ZGPAT: variants seen among roughly 807,000 people sequenced by gnomAD.
ZGPAT encodes zinc finger CCCH-type with G patch domain-containing protein.
Under a neutral mutation model 47.9 loss-of-function variants are expected in ZGPAT, and 39 were observed. That is an observed-to-expected ratio of 0.81 (90% CI 0.63 to 1.06). The LOEUF (loss-of-function observed/expected upper bound fraction) is 1.06. Ranked by LOEUF, ZGPAT falls within the 50% of genes least tolerant of loss-of-function variation. The pLI, the probability that ZGPAT is intolerant of heterozygous loss-of-function variation, is 0.00. For missense variants in ZGPAT, 717 were observed against 681.4 expected, an observed-to-expected ratio of 1.05 and a Z score of -0.58; for synonymous variants, 348 against 292.9, an observed-to-expected ratio of 1.19 and a Z score of -1.92.
At chr20:63,735,067 C>T (rs898484145) in intron 5 of ZGPAT, 92 bp from the exon 6 acceptor site, 64 of 1,429,464 alleles carry the variant, frequency 4.5e-5, no homozygotes, top group Non-Finnish European at 5.1e-5. Flanking sequence ...CTCAGATTCC[C>T]GGGGTCCCGT....
intron 2 of ZGPAT, among the ~76,000 whole-genome samples, chr20:63,732,909 T>TGTATGCACAA (rs2091934207): frequency 6.8e-6 from 1 of 147,118 alleles, no homozygotes; most frequent in Middle Eastern, 3.5e-3. Context: ...TATATGCATG[T>TGTATGCACAA]GTGTGTATAT....
In ZGPAT at chr20:63,709,986, G is replaced by A. The variant is rs1235647793; in HGVS notation, c.584+822G>A. Among the ~76,000 whole-genome samples, 15 of 151,690 alleles carry A rather than the reference G, an allele frequency of 9.9e-5. No homozygotes were observed. The East Asian group carries it at 2.1e-3, about 22-fold the overall frequency. The stretch of plus-strand genomic sequence containing the variant: ...CGCCATTCTCCTGCCTCAGCCTCCC[G>A]AGTAGCTGGGACTACAGGCGCCCGC... On this transcript the variant is annotated intron_variant, in intron 2 of 6. Transcript: ENST00000355969.
intron 4 of ZGPAT, 111 bp from the exon 5 acceptor site, chr20:63,734,594 G>A (rs1356685274): frequency 6.5e-7 from 1 of 1,539,850 alleles, no homozygotes; most frequent in South Asian, 1.3e-5. Flanking sequence ...GGGTCACCAT[G>A]CACAATCCTC....
In ZGPAT at chr20:63,709,237, G is replaced by A. The variant is rs1336340037; in HGVS notation, c.584+73G>A. On this transcript the variant is annotated intron_variant, in intron 2 of 6. Coordinates refer to ENST00000355969, the MANE Select transcript of ZGPAT (RefSeq NM_181485.3). ...CGCACACAGGGTCGGGTCAGGATCG[G>A]CCCTCCCTTTGCTTTGCAGTTTTGT... The A allele has an allele frequency of 3.3e-5, 51 of 1,542,294 alleles. No individual in the cohort carries two copies. The South Asian group carries it at 4.9e-4, about 15-fold the overall frequency.
intron 2 of ZGPAT, among the ~76,000 whole-genome samples, chr20:63,710,019 T>TCA: frequency 6.6e-6 from 1 of 150,690 alleles, no homozygotes; most frequent in African/African-American, 2.4e-5. Flanking sequence ...CGCCACCATG[T>TCA]CTGGCTAATT....
Position 63,720,051 on chromosome 20 carries a change from A to G in ZGPAT, c.584+10887A>G, listed in dbSNP as rs549752638. Among the ~76,000 whole-genome samples, 325 of 150,274 alleles carry G rather than the reference A, an allele frequency of 2.2e-3. 3 individuals are homozygous for G. Among genetic ancestry groups the G allele is most frequent in the Admixed American group, 1.4e-3 (21 of 15,088 alleles). Reference sequence around the variant, plus strand: ...GCCACTGTGCCCAGCCTCTTTTTTTAGTGTATTTAAGGTAATTGATTGAAA... The same window carrying G: ...GCCACTGTGCCCAGCCTCTTTTTTTGGTGTATTTAAGGTAATTGATTGAAA... On this transcript the variant is annotated intron_variant, in intron 2 of 6. Transcript: ENST00000355969.
At chr20:63,712,917 A>G (rs112770007) in intron 2 of ZGPAT, among the ~76,000 whole-genome samples, 11 of 152,152 alleles carry the variant, frequency 7.2e-5, no homozygotes, top group Non-Finnish European at 1.0e-4. Context: ...ATAACAGAAG[A>G]AAAAAACAGT....
chr20:63,711,028 C>CTT lies in ZGPAT; in HGVS notation c.584+1879_584+1880dup, dbSNP rs34657783. On this transcript the variant is annotated intron_variant, in intron 2 of 6. Transcript: ENST00000355969. ...TAGTTCTAGTTCTTTGAATGTCTTCCTTTTTTTTTTTTTTTTGAAACAGCG... is the reference window on the plus strand; with the variant it reads ...TAGTTCTAGTTCTTTGAATGTCTTCCTTTTTTTTTTTTTTTTTTGAAACAGCG... Among the ~76,000 whole-genome samples, 16 of 139,838 alleles carry CTT rather than the reference C, an allele frequency of 1.1e-4. 1 individual carries two copies. Among genetic ancestry groups the CTT allele is most frequent in the South Asian group, 9.2e-4 (4 of 4,358 alleles). The allele number at this position is 139,838 out of a possible 152,430, so 91.7% of individuals were successfully genotyped here.
intron 4 of ZGPAT, chr20:63,734,370 G>T: frequency 2.5e-6 from 1 of 403,122 alleles, no homozygotes. Flanking sequence ...GACTCTGTGA[G>T]GGCAGGTGAG....
In ZGPAT at chr20:63,731,506, TTGG is replaced by T. The variant is rs1165879325; in HGVS notation, c.585-1710_585-1708del. On this transcript the variant is annotated intron_variant, in intron 2 of 6. Coordinates refer to ENST00000355969, the MANE Select transcript of ZGPAT (RefSeq NM_181485.3). ...CGTGTGTAAAGTGTACAATTGGCCC[TTGG>T]TGTGTGTGTGATTGTGTGCATACGT... Among the ~76,000 whole-genome samples the T allele has an allele frequency of 4.7e-5, 5 of 107,442 alleles. No homozygotes were observed. In the Admixed American group the frequency reaches 4.8e-4, roughly 10 times the overall value. 70.5% of individuals were successfully genotyped at this position (107,442 alleles called of 152,430 possible).
chr20:63,715,309 G>A (rs543171289), intron 2 of ZGPAT, among the ~76,000 whole-genome samples: 5 of 147,660 alleles, frequency 3.4e-5, no homozygotes, highest in South Asian at 4.3e-4. Context: ...GCGCGATCTC[G>A]GCTCACTGCA....
intron 2 of ZGPAT, among the ~76,000 whole-genome samples, chr20:63,710,928 T>A (rs1465764985): frequency 6.6e-6 from 1 of 152,240 alleles, no homozygotes; most frequent in Non-Finnish European, 1.5e-5. Flanking sequence ...AGAAGAAATA[T>A]TTACCAAGCC....
At chr20:63,728,864 G>C (rs1197223954) in intron 2 of ZGPAT, among the ~76,000 whole-genome samples, 1 of 152,148 alleles carries the variant, frequency 6.6e-6, no homozygotes, top group Non-Finnish European at 1.5e-5. Flanking sequence ...GGCAGCCCCA[G>C]GTGCAAAGGC....
intron 2 of ZGPAT, among the ~76,000 whole-genome samples, chr20:63,725,917 C>T (rs868783899): frequency 2.0e-5 from 3 of 151,766 alleles, no homozygotes; most frequent in South Asian, 2.1e-4. Flanking sequence ...ACTGCAACCT[C>T]CACCACCTTC....
At chr20:63,723,406 C>G (rs2091810038) in intron 2 of ZGPAT, among the ~76,000 whole-genome samples, 2 of 144,804 alleles carry the variant, frequency 1.4e-5, no homozygotes, top group South Asian at 4.6e-4. Flanking sequence ...GCTCCATCCT[C>G]CCTTCTCCTA....
At chr20:63,714,438 A>G (rs1047926026) in intron 2 of ZGPAT, among the ~76,000 whole-genome samples, 1 of 151,854 alleles carries the variant, frequency 6.6e-6, no homozygotes, top group African/African-American at 2.4e-5. Flanking sequence ...AAAAAAAAAA[A>G]AAAAAAAAGT....
chr20:63,735,027 T>C (rs1311233843), intron 5 of ZGPAT, 132 bp from the exon 6 acceptor site: 2 of 1,275,352 alleles, frequency 1.6e-6, no homozygotes, highest in African/African-American at 1.7e-5. Flanking sequence ...CCCAGGGTCC[T>C]ACGGCCACAG....
At position 63,735,317 on chromosome 20, in the gene ZGPAT, A is replaced by T; in HGVS notation, c.1150A>T (p.Arg384Trp). 6.3e-7 allele frequency: 1 copy of T among 1,585,038 alleles called. No homozygotes were observed. Among genetic ancestry groups the T allele is most frequent in the Non-Finnish European group, 8.6e-7 (1 of 1,167,658 alleles). ...CCCCAGGTGCCGGGGAAGAGGGGCC[A>T]GGCCTGGGGGCCGCCCAGCTCCTCG... ...KPPRCRGRGA[R>W]PGGRPAPRNV... Residue 384 changes from arginine to tryptophan, a missense_variant, in exon 6 of 7, where the codon AGG becomes TGG. Transcript: ENST00000355969.
intron 2 of ZGPAT, among the ~76,000 whole-genome samples, chr20:63,732,343 GAGGTGTGTGTGTGCATGTGTCA>G: frequency 2.8e-5 from 1 of 36,266 alleles, no homozygotes; most frequent in East Asian, 4.0e-4. Flanking sequence ...GTGTGTGGGT[GAGGTGTGTGTGTGCATGTGTCA>G]GGGTGTGTGT....
Sources: allele counts gnomAD v4.1 joint callset (sites outside exome capture counted in the v4.1 genomes callset), GRCh38; gene constraint gnomAD v4.1.1; transcripts MANE v1.5; gene names NCBI Gene and HGNC (gene_info 2026-07-23, HGNC 2026-07-21).